The following GALM variants were observed in gnomAD, a reference collection of about 807,000 sequenced individuals.
GALM encodes galactose mutarotase.
A neutral mutation model predicts 37.4 loss-of-function variants in GALM; 43 were observed. The ratio of observed to expected loss-of-function variants is 1.15; its 90% CI spans 0.90 to 1.48. GALM has a LOEUF of 1.48. Among genes scored for constraint, GALM ranks in the 40% most tolerant of loss-of-function variants. The pLI is 0.00. For synonymous variants in GALM, 199 were observed against 170.6 expected, an observed-to-expected ratio of 1.17 and a Z score of -1.30; for missense variants, 456 against 419.1, an observed-to-expected ratio of 1.09 and a Z score of -0.77.
intron 3 of GALM, among the ~76,000 whole-genome samples, chr2:38,688,767 T>TA (rs535139168): frequency 1.7e-3 from 263 of 152,360 alleles, no homozygotes; most frequent in Middle Eastern, 3.4e-3. Context: ...CCTACACTGT[T>TA]ATTCACAAGG....
At chr2:38,688,879 C>A (rs180953235) in intron 3 of GALM, among the ~76,000 whole-genome samples, 1 of 152,054 alleles carries the variant, frequency 6.6e-6, no homozygotes, top group Non-Finnish European at 1.5e-5. Context: ...TGCAATGGCA[C>A]GCGCGATCTT....
At chr2:38,704,346 G>GC (rs933087804) in intron 4 of GALM, among the ~76,000 whole-genome samples, 2 of 151,978 alleles carry the variant, frequency 1.3e-5, no homozygotes, top group African/African-American at 4.8e-5. Flanking sequence ...TCACAGGCAT[G>GC]CCCCCATCAT....
At chr2:38,712,010 C>T (rs540694703) in intron 4 of GALM, among the ~76,000 whole-genome samples, 1 of 152,182 alleles carries the variant, frequency 6.6e-6, no homozygotes, top group South Asian at 2.1e-4. Flanking sequence ...GTTTTGTGCC[C>T]AGGGTAACAG....
intron 4 of GALM, among the ~76,000 whole-genome samples, chr2:38,711,636 G>A (rs1294564451): frequency 6.7e-6 from 1 of 149,062 alleles, no homozygotes; most frequent in Admixed American, 6.8e-5. Flanking sequence ...CATAGTCTCT[G>A]GAATGAGACT....
At chr2:38,731,396 C>CAAAA (rs66613702) in intron 5 of GALM, among the ~76,000 whole-genome samples, 1 of 121,660 alleles carries the variant, frequency 8.2e-6, no homozygotes, top group African/African-American at 3.2e-5. Context: ...GACTCTATTT[C>CAAAA]AAAAAAAAAA....
At chr2:38,671,445 G>C (rs1665097098) in intron 1 of GALM, 1 of 152,178 alleles carries the variant, frequency 6.6e-6, no homozygotes, top group African/African-American at 2.4e-5. Flanking sequence ...CAGTAGGAGA[G>C]AGACAGAAAG....
At chr2:38,732,031 G>T in intron 6 of GALM, 122 bp downstream of exon 6, 2 of 900,138 alleles carry the variant, frequency 2.2e-6, no homozygotes, top group South Asian at 3.4e-5. Context: ...TGTTTGGTTT[G>T]TTTTTTGAGA....
intron 4 of GALM, among the ~76,000 whole-genome samples, chr2:38,726,634 G>A (rs1666492031): frequency 6.6e-6 from 1 of 152,072 alleles, no homozygotes; most frequent in African/African-American, 2.4e-5. Context: ...TCTCGGCCGG[G>A]CTCAGTGGCT....
At chr2:38,676,786 A>G (rs1313123440) in intron 2 of GALM, among the ~76,000 whole-genome samples, 1 of 152,126 alleles carries the variant, frequency 6.6e-6, no homozygotes, top group African/African-American at 2.4e-5. Context: ...ATAAATAATA[A>G]ATAAAGGGCC....
At chr2:38,708,971 T>A (rs1666098681) in intron 4 of GALM, among the ~76,000 whole-genome samples, 1 of 151,992 alleles carries the variant, frequency 6.6e-6, no homozygotes, top group South Asian at 2.1e-4. Context: ...TTTCTCCAGC[T>A]CTCTCGGCAG....
chr2:38,730,060 CA>C (rs1462903958), intron 5 of GALM, among the ~76,000 whole-genome samples: 6 of 152,198 alleles, frequency 3.9e-5, no homozygotes, highest in Non-Finnish European at 5.9e-5. Flanking sequence ...CTGCCTACTC[CA>C]TGGCCAGTTG....
At chr2:38,696,937 A>G (rs918995042) in intron 4 of GALM, among the ~76,000 whole-genome samples, 8 of 151,620 alleles carry the variant, frequency 5.3e-5, no homozygotes, top group Non-Finnish European at 5.9e-5. Context: ...TTACAGGCAC[A>G]TGCCACCACG....
At chr2:38,688,703 A>C (rs1665600145) in intron 3 of GALM, among the ~76,000 whole-genome samples, 1 of 152,222 alleles carries the variant, frequency 6.6e-6, no homozygotes, top group African/African-American at 2.4e-5. Flanking sequence ...TTTGTACTAG[A>C]AACATGCATG....
intron 4 of GALM, among the ~76,000 whole-genome samples, chr2:38,719,940 G>A (rs1172768991): frequency 2.0e-5 from 3 of 151,542 alleles, no homozygotes; most frequent in African/African-American, 4.9e-5. Flanking sequence ...GGCCAGGCGC[G>A]TTGGCTCACA....
At chr2:38,706,389 C>T (rs1341685089) in intron 4 of GALM, among the ~76,000 whole-genome samples, 1 of 150,636 alleles carries the variant, frequency 6.6e-6, no homozygotes, top group Non-Finnish European at 1.5e-5. Context: ...GAAATCTCAC[C>T]CCAGGTTGGG....
At chr2:38,691,412 T>G (rs1405430499) in intron 4 of GALM, among the ~76,000 whole-genome samples, 3 of 152,102 alleles carry the variant, frequency 2.0e-5, no homozygotes, top group East Asian at 3.8e-4. Flanking sequence ...GTATGGTGGC[T>G]CACACCTGTA....
intron 3 of GALM, among the ~76,000 whole-genome samples, chr2:38,687,486 G>A (rs368247262): frequency 9.4e-4 from 143 of 152,290 alleles, no homozygotes; most frequent in African/African-American, 3.1e-3. Flanking sequence ...AAGGCAGGCA[G>A]ATTACTTGAG....
intron 4 of GALM, among the ~76,000 whole-genome samples, chr2:38,714,717 T>A (rs963980218): frequency 3.3e-5 from 5 of 152,264 alleles, no homozygotes; most frequent in African/African-American, 1.2e-4. Context: ...AATATTTGAT[T>A]TCCAATTTGT....
chr2:38,734,144 A>T lies in GALM; in HGVS notation c.*579A>T, dbSNP rs1666660019. Reference sequence around the variant, plus strand: ...CCGGGCACGGTGGCTCACGCCTGTAATCCCAGCACTTTGGAAGGCCGAGGC... The same window carrying T: ...CCGGGCACGGTGGCTCACGCCTGTATTCCCAGCACTTTGGAAGGCCGAGGC... On this transcript the variant is annotated 3_prime_UTR_variant, in exon 7 of 7. Transcript: ENST00000272252. 1 of 159,276 alleles carries T rather than the reference A, an allele frequency of 6.3e-6. No homozygotes were observed. Among genetic ancestry groups the T allele is most frequent in the Non-Finnish European group, 1.4e-5 (1 of 72,106 alleles). The allele number at this position is 159,276 out of a possible 1,614,324, so 9.9% of individuals were successfully genotyped here. A position where few individuals can be genotyped will look rare whatever the true frequency, so the allele number is the denominator to read the frequency against.
Sources: allele counts gnomAD v4.1 joint callset (sites outside exome capture counted in the v4.1 genomes callset), GRCh38; gene constraint gnomAD v4.1.1; transcripts MANE v1.5; gene names NCBI Gene and HGNC (gene_info 2026-07-23, HGNC 2026-07-21).